The following APOOL variants were observed in gnomAD, a reference collection of about 807,000 sequenced individuals.
The protein encoded by APOOL is MICOS complex subunit MIC27.
In APOOL, 12 loss-of-function variants were observed where a neutral mutation model predicts 23.1. That is an observed-to-expected ratio of 0.52 (90% CI 0.33 to 0.84). APOOL has a LOEUF of 0.84. APOOL is among the 40% of genes least tolerant of loss of function. APOOL has a pLI of 0.02. For synonymous variants in APOOL, 77 were observed against 69.9 expected (o/e 1.10, Z -0.51); for missense variants, 212 against 199.6 (o/e 1.06, Z -0.37).
At chrX:85,034,517 T>C (rs1569455198) in intron 1 of APOOL, among the ~76,000 whole-genome samples, 1 of 111,192 alleles carries the variant, frequency 9.0e-6, no homozygotes, top group East Asian at 2.8e-4. Flanking sequence ...TGCAGGTTTG[T>C]TACAAGAGTA....
intron 8 of APOOL, among the ~76,000 whole-genome samples, chrX:85,083,808 ATAT>A (rs750754310): frequency 8.0e-5 from 9 of 111,859 alleles, no homozygotes; most frequent in African/African-American, 2.6e-4. Flanking sequence ...CAGTTATGTG[ATAT>A]TATCAGATAT....
chrX:85,015,661 C>T (rs910872937), intron 1 of APOOL, among the ~76,000 whole-genome samples: 8 of 108,425 alleles, frequency 7.4e-5, no homozygotes, highest in Non-Finnish European at 1.1e-4. Context: ...CTCCGCCTCC[C>T]GGGTGTAAGT....
intron 1 of APOOL, among the ~76,000 whole-genome samples, chrX:85,041,933 C>A (rs915149127): frequency 9.0e-6 from 1 of 110,899 alleles, no homozygotes; most frequent in Non-Finnish European, 1.9e-5. Context: ...AGCATGTCCT[C>A]CTGGATGATT....
chrX:85,015,542 A>ATATTTATTTATT (rs150837249), intron 1 of APOOL, among the ~76,000 whole-genome samples: 14 of 98,980 alleles, frequency 1.4e-4, no homozygotes, highest in South Asian at 1.4e-3. Context: ...TCGGACTTTA[A>ATATTTATTTATT]TATTTATTTA....
intron 2 of APOOL, among the ~76,000 whole-genome samples, chrX:85,047,394 A>G (rs1028154159): frequency 5.4e-5 from 6 of 111,428 alleles, no homozygotes; most frequent in African/African-American, 2.0e-4. Flanking sequence ...ACTTGGATGT[A>G]TGAACCACGG....
At chrX:85,085,630 G>A (rs768533633) in intron 8 of APOOL, among the ~76,000 whole-genome samples, 2 of 111,768 alleles carry the variant, frequency 1.8e-5, no homozygotes, top group Non-Finnish European at 3.8e-5. Context: ...ATGCAGAAAA[G>A]GTATGGTTCC....
At position 85,055,904 on chromosome X, in the gene APOOL, G is replaced by A. The variant is rs775377524; in HGVS notation, c.373G>A (p.Gly125Ser). 2 of 1,193,906 alleles carry A rather than the reference G, an allele frequency of 1.7e-6. No homozygotes were observed. The highest frequency in any genetic ancestry group is 3.5e-5 in the African/African-American group (2 of 56,467). ...AGTTATTACAGTTTCAGGATTGGCG[G>A]GCTTGGTTTCAGCGAGAAAAGGTAG... ...MGVITVSGLA[G>S]LVSARKGSKF... The change falls in exon 5 of 9, where the codon GGC becomes AGC. Residue 125 changes from glycine (G) to serine (S), a missense_variant. By Grantham distance (56) the Gly-to-Ser change is moderately conservative. Coordinates refer to ENST00000373173, the MANE Select transcript of APOOL (RefSeq NM_198450.6).
At chrX:85,087,385 A>G (rs1184859601) in intron 8 of APOOL, among the ~76,000 whole-genome samples, 1 of 110,475 alleles carries the variant, frequency 9.1e-6, no homozygotes, top group Non-Finnish European at 1.9e-5. Context: ...TAAGCACTCC[A>G]TATATCCTTC....
In APOOL at chrX:85,090,730, T is replaced by C. The variant is rs1002081991; in HGVS notation, c.*3052T>C. The C allele has an allele frequency of 1.8e-5, 2 of 112,075 alleles. No homozygotes were observed. Among genetic ancestry groups the C allele is most frequent in the African/African-American group, 6.5e-5 (2 of 30,822 alleles). The allele number at this position is 112,075 out of a possible 1,213,427, so 9.2% of individuals were successfully genotyped here. A position where few individuals can be genotyped will look rare whatever the true frequency, so the allele number is the denominator to read the frequency against. On this transcript the variant is annotated 3_prime_UTR_variant, in exon 9 of 9. Transcript: ENST00000373173. ...CTTAGAATGTTCTTCCATCTTATCC[T>C]GCTCTACATTCTAACTTCTACCCAT...
intron 1 of APOOL, among the ~76,000 whole-genome samples, chrX:85,045,799 A>G (rs1922554551): frequency 8.9e-6 from 1 of 111,891 alleles, no homozygotes; most frequent in Non-Finnish European, 1.9e-5. Flanking sequence ...AAGGGAATGC[A>G]TTGGGAAAAT....
chrX:85,059,123 C>T (rs1487234629), intron 5 of APOOL, among the ~76,000 whole-genome samples: 8 of 100,043 alleles, frequency 8.0e-5, no homozygotes, highest in East Asian at 6.6e-4. Context: ...TGAGAACATG[C>T]GGTGTTTGGT....
chrX:85,071,139 C>T (rs968942838), intron 6 of APOOL, among the ~76,000 whole-genome samples: 4 of 111,252 alleles, frequency 3.6e-5, no homozygotes, highest in Admixed American at 9.7e-5. Flanking sequence ...TGTCTTTGGG[C>T]ATATATCCTG....
In APOOL at chrX:85,068,313, C is replaced by T. The variant is rs760458261; in HGVS notation, c.486+1095C>T. ...AGGAGTTTCACAGTGACTGACTTGC[C>T]CAGCATCATACTGACCTTCAGATAT... On this transcript the variant is annotated intron_variant, in intron 6 of 8. Transcript: ENST00000373173. Among the ~76,000 whole-genome samples, 11 of 110,263 alleles carry T rather than the reference C, an allele frequency of 1.0e-4. No homozygotes were observed. In the South Asian group the frequency reaches 2.0e-3, roughly 20 times the overall value.
chrX:85,074,129 C>G lies in APOOL; in HGVS notation c.600+18C>G, dbSNP rs1923762754. 6 of 1,146,777 alleles carry G rather than the reference C, an allele frequency of 5.2e-6. No individual in the cohort carries two copies. The highest frequency in any genetic ancestry group is 2.7e-5 in the Admixed American group (1 of 37,665). 94.5% of individuals were successfully genotyped at this position (1,146,777 alleles called of 1,213,427 possible). On this transcript the variant is annotated intron_variant, in intron 7 of 8. Coordinates refer to ENST00000373173, the MANE Select transcript of APOOL (RefSeq NM_198450.6). ...AAACTAAGGTAGAGTTTACATGGAG[C>G]AAGACGGTCAACATTGAGTTTTGTT...
intron 1 of APOOL, among the ~76,000 whole-genome samples, chrX:85,031,115 A>T (rs1922022381): frequency 9.0e-6 from 1 of 111,602 alleles, no homozygotes; most frequent in South Asian, 3.7e-4. Flanking sequence ...ATATGCAAAA[A>T]TTTCAGAGTA....
chrX:85,061,433 T>A (rs1923216309), intron 5 of APOOL, among the ~76,000 whole-genome samples: 1 of 111,970 alleles, frequency 8.9e-6, no homozygotes, highest in African/African-American at 3.2e-5. Context: ...TTTCTATTGA[T>A]CGGAATAGTT....
At chrX:85,083,241 T>G (rs1924175100) in intron 8 of APOOL, among the ~76,000 whole-genome samples, 1 of 110,703 alleles carries the variant, frequency 9.0e-6, no homozygotes, top group Non-Finnish European at 1.9e-5. Context: ...TGACTGACAG[T>G]CAAAAGAAAA....
intron 3 of APOOL, 26 bp downstream of exon 3, chrX:85,051,534 A>G: frequency 1.7e-6 from 2 of 1,208,379 alleles, no homozygotes; most frequent in South Asian, 3.5e-5. Flanking sequence ...TAGTGGTTTA[A>G]TATCAGAGAT....
At chrX:85,010,254 T>C (rs1257121594) in intron 1 of APOOL, among the ~76,000 whole-genome samples, 2 of 112,416 alleles carry the variant, frequency 1.8e-5, no homozygotes, top group African/African-American at 6.5e-5. Context: ...ATTGTTGTTT[T>C]AATTTGTAAT....
Sources: gnomAD v4.1 joint callset for allele counts (sites outside exome capture counted in the v4.1 genomes callset) on GRCh38, gnomAD v4.1.1 for gene constraint, MANE v1.5 for transcripts, NCBI Gene and HGNC (gene_info 2026-07-23, HGNC 2026-07-21) for gene names.